Variants in TTC7B observed in about 807,000 individuals in gnomAD.
TTC7B encodes the protein tetratricopeptide repeat protein 7B.
Under a neutral mutation model 106.8 loss-of-function variants are expected in TTC7B, and 28 were observed. The ratio of observed to expected loss-of-function variants is 0.26; its 90% confidence interval spans 0.19 to 0.36. TTC7B has a LOEUF of 0.36. TTC7B is among the 10% of genes least tolerant of loss of function. The probability of loss-of-function intolerance (pLI) is 1.00; values close to 1 mark genes in which losing one functional copy is unlikely to be tolerated. For synonymous variants in TTC7B, 405 were observed against 430.6 expected (o/e 0.94, Z 0.74); for missense variants, 862 against 1,076.4 (o/e 0.80, Z 2.79).
chr14:90,770,141 T>C (rs1320824085), intron 3 of TTC7B, among the ~76,000 whole-genome samples: 1 of 151,756 alleles, frequency 6.6e-6, no homozygotes, highest in Non-Finnish European at 1.5e-5. Context: ...AGAATGAGAC[T>C]CCATCTCTGA....
chr14:90,592,131 C>T (rs547430043), intron 18 of TTC7B, among the ~76,000 whole-genome samples: 1 of 152,184 alleles, frequency 6.6e-6, no homozygotes, highest in Admixed American at 6.5e-5. Flanking sequence ...AATGCGAAGG[C>T]CTGCCAGTGG....
intron 5 of TTC7B, among the ~76,000 whole-genome samples, chr14:90,714,135 C>T (rs1888554756): frequency 6.6e-6 from 1 of 151,910 alleles, no homozygotes; most frequent in East Asian, 1.9e-4. Context: ...GAGGCTGAAG[C>T]AGGAGAATCA....
chr14:90,729,023 C>T (rs930675400), intron 5 of TTC7B, among the ~76,000 whole-genome samples: 1 of 152,214 alleles, frequency 6.6e-6, no homozygotes, highest in African/African-American at 2.4e-5. Context: ...AATGCAAGAG[C>T]ATCTTTGTGC....
chr14:90,709,953 G>GT (rs1451117820), intron 5 of TTC7B, among the ~76,000 whole-genome samples: 1 of 73,622 alleles, frequency 1.4e-5, no homozygotes, highest in Non-Finnish European at 2.6e-5. Flanking sequence ...TTTCTCTTTC[G>GT]TTAAAAAAAA....
At chr14:90,787,616 AG>A (rs1353370616) in intron 1 of TTC7B, among the ~76,000 whole-genome samples, 1 of 152,228 alleles carries the variant, frequency 6.6e-6, no homozygotes, top group East Asian at 1.9e-4. Flanking sequence ...GTCATCAGCG[AG>A]GACCCCCCTA....
At chr14:90,618,083 C>T (rs781770829) in intron 15 of TTC7B, 38 bp from the exon 16 acceptor site, 1 of 1,486,782 alleles carries the variant, frequency 6.7e-7, no homozygotes, top group Non-Finnish European at 9.4e-7. Context: ...CACCACGGCT[C>T]AAGCCACAGA....
intron 5 of TTC7B, chr14:90,697,554 A>T (rs1887805131): frequency 6.6e-6 from 1 of 152,256 alleles, no homozygotes; most frequent in South Asian, 2.1e-4. Flanking sequence ...TCATATATTT[A>T]TAACATAAAT....
intron 15 of TTC7B, among the ~76,000 whole-genome samples, chr14:90,619,024 C>T (rs1042100249): frequency 6.6e-6 from 1 of 152,244 alleles, no homozygotes; most frequent in East Asian, 1.9e-4. Flanking sequence ...CTGCCTCAGC[C>T]TCCTGAGTAG....
intron 19 of TTC7B, among the ~76,000 whole-genome samples, chr14:90,547,002 C>G (rs576392167): frequency 1.3e-5 from 2 of 152,210 alleles, no homozygotes; most frequent in Non-Finnish European, 2.9e-5. Flanking sequence ...ACTGGGCCCT[C>G]TCCCCTCCCC....
intron 3 of TTC7B, among the ~76,000 whole-genome samples, chr14:90,745,923 G>T (rs938724305): frequency 1.3e-5 from 2 of 151,666 alleles, no homozygotes; most frequent in Admixed American, 6.6e-5. Flanking sequence ...GTCTGGTCTC[G>T]AACTCCTGAC....
intron 3 of TTC7B, among the ~76,000 whole-genome samples, chr14:90,765,689 T>C (rs551102423): frequency 1.3e-5 from 2 of 152,290 alleles, no homozygotes; most frequent in African/African-American, 4.8e-5. Context: ...GCTTTTAGCA[T>C]AGTAGAAGCT....
intron 5 of TTC7B, chr14:90,699,207 TA>T (rs1566843167): frequency 1.1e-5 from 5 of 456,026 alleles, no homozygotes; most frequent in South Asian, 7.7e-5. Flanking sequence ...GGCTCTTTAA[TA>T]TTGCCATCTG....
chr14:90,785,643 TA>T (rs1566887090), intron 2 of TTC7B, among the ~76,000 whole-genome samples: 2 of 152,098 alleles, frequency 1.3e-5, no homozygotes, highest in Non-Finnish European at 2.9e-5. Context: ...AATGGACAGA[TA>T]GGGGGCAGCA....
At chr14:90,588,651 G>T (rs190006568) in intron 18 of TTC7B, among the ~76,000 whole-genome samples, 1 of 152,138 alleles carries the variant, frequency 6.6e-6, no homozygotes, top group Non-Finnish European at 1.5e-5. Flanking sequence ...GACTGCAAAG[G>T]TGCTCACTTC....
chr14:90,545,262 G>A (rs1003311291), intron 19 of TTC7B, among the ~76,000 whole-genome samples: 2 of 152,126 alleles, frequency 1.3e-5, no homozygotes, highest in Non-Finnish European at 2.9e-5. Context: ...CTCTCAATGC[G>A]GGCCCCAGGG....
At position 90,754,098 on chromosome 14, in the gene TTC7B, G is replaced by A. The variant is rs577048675; in HGVS notation, c.446-9176C>T. Among the ~76,000 whole-genome samples, 6 of 152,160 alleles carry A rather than the reference G, an allele frequency of 3.9e-5. No homozygotes were observed. The South Asian group carries it at 1.2e-3, about 32-fold the overall frequency. On this transcript the variant is annotated intron_variant, in intron 3 of 19. Coordinates refer to ENST00000328459, the MANE Select transcript of TTC7B (RefSeq NM_001010854.2). The stretch of plus-strand genomic sequence containing the variant: ...ATAATTCATCTATAAATGCTATGAG[G>A]GAACCCTGTGTGAAAACCCTACGAG...
intron 1 of TTC7B, among the ~76,000 whole-genome samples, chr14:90,790,828 T>C (rs1007681082): frequency 6.6e-6 from 1 of 151,744 alleles, no homozygotes; most frequent in African/African-American, 2.4e-5. Context: ...TGAACACACC[T>C]CCCAGCTGGG....
chr14:90,816,117 C>A lies in TTC7B; in HGVS notation c.121+58G>T, dbSNP rs990595550. 145 of 1,001,058 alleles carry A rather than the reference C, an allele frequency of 1.4e-4. 2 individuals are homozygous for A. In the East Asian group the frequency reaches 9.5e-3, roughly 66 times the overall value. 62.0% of individuals were successfully genotyped at this position (1,001,058 alleles called of 1,614,324 possible). On this transcript the variant is annotated intron_variant, in intron 1 of 19. Transcript: ENST00000328459. Reference sequence around the variant, plus strand: ...CGCGCCCGGCCGCGCCTCGGGGGCCCGTTCCCGCGGAGGCCGCGGCGCCCC... The same window carrying A: ...CGCGCCCGGCCGCGCCTCGGGGGCCAGTTCCCGCGGAGGCCGCGGCGCCCC...
At chr14:90,548,195 C>CT (rs1416498684) in intron 19 of TTC7B, among the ~76,000 whole-genome samples, 1 of 152,216 alleles carries the variant, frequency 6.6e-6, no homozygotes, top group Non-Finnish European at 1.5e-5. Context: ...AGTGAGCTGT[C>CT]CCTCACCACA....
Sources: gnomAD v4.1 joint callset for allele counts (sites outside exome capture counted in the v4.1 genomes callset) on GRCh38, gnomAD v4.1.1 for gene constraint, MANE v1.5 for transcripts, NCBI Gene and HGNC (gene_info 2026-07-23, HGNC 2026-07-21) for gene names.